The following FANCM variants were observed in gnomAD, a reference collection of about 807,000 sequenced individuals.
FANCM encodes the protein FA complementation group M.
FANCM carries 140 observed loss-of-function variants against 199.5 expected under a neutral mutation model. The ratio of observed to expected loss-of-function variants is 0.70; its 90% CI spans 0.61 to 0.81. The LOEUF is 0.81. Ranked by LOEUF, FANCM falls within the 30% of genes least tolerant of loss-of-function variation. The pLI, the probability that FANCM is intolerant of heterozygous loss-of-function variation, is 0.00. For missense variants in FANCM, 2,410 were observed against 2,421.4 expected (o/e 1.00, Z 0.10); for synonymous variants, 840 against 836.8 (o/e 1.00, Z -0.07).
At position 45,176,757 on chromosome 14, in the gene FANCM, A is replaced by AG. The variant is rs1566766719; in HGVS notation, c.4003_4004insG (p.Lys1335ArgfsTer9). ...TCAGTTTTCTTTACCAGTGCAAAAAAAAGTTATGAGTACACCACTCTCTAA... is the reference window on the plus strand; with the variant it reads ...TCAGTTTTCTTTACCAGTGCAAAAAAGAAGTTATGAGTACACCACTCTCTAA... On this transcript the variant is annotated frameshift_variant, in exon 14 of 23. Transcript: ENST00000267430. LOFTEE classifies it high-confidence loss of function. The AG allele has an allele frequency of 1.2e-6, 2 of 1,612,628 alleles. No homozygotes were observed. The highest frequency in any genetic ancestry group is 1.7e-6 in the Non-Finnish European group (2 of 1,179,390).
At chr14:45,162,179 A>G (rs2077240270) in intron 9 of FANCM, among the ~76,000 whole-genome samples, 1 of 152,094 alleles carries the variant, frequency 6.6e-6, no homozygotes, top group Non-Finnish European at 1.5e-5. Context: ...TGAGGTCAGG[A>G]GTTTGAGACC....
chr14:45,147,292 TTTTTC>T (rs1214381856), intron 3 of FANCM, among the ~76,000 whole-genome samples: 2 of 151,834 alleles, frequency 1.3e-5, no homozygotes, highest in Admixed American at 6.6e-5. Context: ...AAGCTTTCTT[TTTTTC>T]TTTTCTTTTT....
chr14:45,153,939 T>C lies in FANCM; in HGVS notation c.1070T>C (p.Ile357Thr), dbSNP rs1886998266. The change falls in exon 6 of 23, where the codon ATC becomes ACC. Residue 357 changes from isoleucine (I) to threonine (T), a missense_variant. By Grantham distance (89) the Ile-to-Thr change is moderately conservative (BLOSUM62 -1). Transcript: ENST00000267430. Reference protein sequence around the residue: ...PNIVGIQQGIIEGEFAICISL... With the variant: ...PNIVGIQQGITEGEFAICISL... ...TTCTAGGGAATACAACAAGGCATAA[T>C]CGAGGGAGAGTTTGCTATTTGTATT... 6.2e-7 allele frequency: 1 copy of C among 1,609,740 alleles called. No homozygotes were observed. Among genetic ancestry groups the C allele is most frequent in the African/African-American group, 1.3e-5 (1 of 74,804 alleles).
At chr14:45,150,767 TA>T (rs1401807883) in intron 4 of FANCM, among the ~76,000 whole-genome samples, 3 of 152,234 alleles carry the variant, frequency 2.0e-5, no homozygotes, top group South Asian at 2.1e-4. Context: ...GCATTTGTTA[TA>T]ATGAAAATGA....
intron 10 of FANCM, among the ~76,000 whole-genome samples, chr14:45,165,363 T>G (rs1887896309): frequency 6.6e-6 from 1 of 152,002 alleles, no homozygotes; most frequent in Non-Finnish European, 1.5e-5. Flanking sequence ...CTGGCCAACA[T>G]GGTGAAACCC....
At chr14:45,187,058 A>G (rs1054191947) in intron 18 of FANCM, among the ~76,000 whole-genome samples, 2 of 152,182 alleles carry the variant, frequency 1.3e-5, no homozygotes, top group African/African-American at 4.8e-5. Context: ...ATTAGAAAAA[A>G]AGGAGGAGTC....
At chr14:45,187,930 T>C (rs1292794225) in intron 19 of FANCM, 43 bp downstream of exon 19, 1 of 948,362 alleles carries the variant, frequency 1.1e-6, no homozygotes, top group East Asian at 2.5e-5. Flanking sequence ...TGGATGATGA[T>C]GTTGAAATAT....
chr14:45,163,538 CCTT>C (rs1887754051), intron 9 of FANCM, among the ~76,000 whole-genome samples: 1 of 152,314 alleles, frequency 6.6e-6, no homozygotes, highest in Admixed American at 6.5e-5. Flanking sequence ...TTCATTAACT[CCTT>C]CTCACGCTAT....
At chr14:45,197,481 T>C (rs1244211720) in intron 21 of FANCM, among the ~76,000 whole-genome samples, 1 of 151,888 alleles carries the variant, frequency 6.6e-6, no homozygotes, top group Non-Finnish European at 1.5e-5. Context: ...TTTTTTTTTT[T>C]TGAGACAGAG....
Position 45,175,758 on chromosome 14 carries a change from A to G in FANCM, c.3004A>G (p.Ser1002Gly), listed in dbSNP as rs1594798521. The G allele has an allele frequency of 1.2e-6, 2 of 1,613,756 alleles. No homozygotes were observed. The highest frequency in any genetic ancestry group is 1.7e-6 in the Non-Finnish European group (2 of 1,179,814). The stretch of plus-strand genomic sequence containing the variant: ...TTTATCTTATTCTCCTCCGCCTCTC[A>G]GTGGACTCTCAGACTTGGAATATGA... ...RFLSYSPPPLSGLSDLEYEIA... is the reference protein window; with the variant it reads ...RFLSYSPPPLGGLSDLEYEIA... The change falls in exon 14 of 23, where the codon AGT becomes GGT. Residue 1002 changes from serine (S) to glycine (G), a missense_variant. Physicochemically the swap from Ser to Gly is moderately conservative, Grantham distance 56. Transcript: ENST00000267430.
At chr14:45,136,615 C>A in intron 1 of FANCM, 76 bp downstream of exon 1, 3 of 1,391,254 alleles carry the variant, frequency 2.2e-6, no homozygotes, top group Non-Finnish European at 3.0e-6. Flanking sequence ...CAAGCTACAA[C>A]ATGTGCATCT....
Position 45,164,530 on chromosome 14 carries a change from ATAG to A in FANCM, c.1755_1757del (p.Val586del). 1 of 1,613,442 alleles carries A rather than the reference ATAG, an allele frequency of 6.2e-7. No homozygotes were observed. Among genetic ancestry groups the A allele is most frequent in the South Asian group, 1.1e-5 (1 of 91,038 alleles). On this transcript the variant is annotated inframe_deletion, in exon 10 of 23. Coordinates refer to ENST00000267430, the MANE Select transcript of FANCM (RefSeq NM_020937.4). Reference sequence around the variant, plus strand: ...AACTGGCCGTAAACGTCAAGGCAGGATAGTTATTATCCTTTCTGAAGGACGAGA... The same window carrying A: ...AACTGGCCGTAAACGTCAAGGCAGGATTATTATCCTTTCTGAAGGACGAGA...
intron 13 of FANCM, among the ~76,000 whole-genome samples, chr14:45,174,575 A>G (rs1490922441): frequency 6.6e-6 from 1 of 152,170 alleles, no homozygotes; most frequent in Non-Finnish European, 1.5e-5. Flanking sequence ...ACTTTGTTAC[A>G]AATAGAAGTA....
intron 14 of FANCM, among the ~76,000 whole-genome samples, chr14:45,180,429 G>A (rs1888991359): frequency 3.3e-5 from 5 of 151,168 alleles, no homozygotes; most frequent in Admixed American, 2.6e-4. Flanking sequence ...ATAAGTATGT[G>A]GTGTTTTTTT....
Position 45,140,618 on chromosome 14 carries a change from T to G in FANCM, c.682-14T>G, listed in dbSNP as rs975132936. The G allele has an allele frequency of 4.0e-6, 6 of 1,518,896 alleles. No individual in the cohort carries two copies. Among genetic ancestry groups the G allele is most frequent in the African/African-American group, 1.4e-5 (1 of 73,076 alleles). 94.1% of individuals were successfully genotyped at this position (1,518,896 alleles called of 1,614,324 possible). A position where few individuals can be genotyped will look rare whatever the true frequency, so the allele number is the denominator to read the frequency against. ...ATTGAACAGATGAAACTAAAGAACT[T>G]TTTTTTTCTTAAGGTTGTAAGAGAA... On this transcript the variant is annotated splice_polypyrimidine_tract_variant and intron_variant, in intron 2 of 22. Coordinates refer to ENST00000267430, the MANE Select transcript of FANCM (RefSeq NM_020937.4).
rs1594773895 is a variant in FANCM at position 45,155,458 on chromosome 14, T to G, written c.1395T>G (p.Asn465Lys). The G allele has an allele frequency of 6.9e-7, 1 of 1,439,866 alleles. No individual in the cohort carries two copies. The highest frequency in any genetic ancestry group is 9.8e-7 in the Non-Finnish European group (1 of 1,022,854). 89.2% of individuals were successfully genotyped at this position (1,439,866 alleles called of 1,614,324 possible). A position where few individuals can be genotyped will look rare whatever the true frequency, so the allele number is the denominator to read the frequency against. Residue 465 changes from asparagine to lysine, a missense_variant and splice_region_variant, in exon 8 of 23, where the codon AAT (asparagine) becomes AAG (lysine). Coordinates refer to ENST00000267430, the MANE Select transcript of FANCM (RefSeq NM_020937.4). ...EVVIEHFKSWNAENTTEKKRD... is the reference protein window; with the variant it reads ...EVVIEHFKSWKAENTTEKKRD... ...TAATTGAACACTTCAAGTCATGGAA[T>G]GGTAGGTCATATTTAGTAGCTTTAA...
At chr14:45,193,389 C>T (rs1437246446) in intron 20 of FANCM, among the ~76,000 whole-genome samples, 1 of 152,200 alleles carries the variant, frequency 6.6e-6, no homozygotes, top group Non-Finnish European at 1.5e-5. Flanking sequence ...CTAGTGCTCC[C>T]TCCCACCAGG....
At chr14:45,159,999 T>TG (rs1566743722) in intron 9 of FANCM, among the ~76,000 whole-genome samples, 1 of 145,384 alleles carries the variant, frequency 6.9e-6, no homozygotes, top group Non-Finnish European at 1.5e-5. Context: ...AGGTTTTTTT[T>TG]TTGTTTTTTT....
At chr14:45,139,473 G>T (rs1347068583) in intron 2 of FANCM, among the ~76,000 whole-genome samples, 1 of 152,112 alleles carries the variant, frequency 6.6e-6, no homozygotes, top group South Asian at 2.1e-4. Flanking sequence ...CTACTTGGAA[G>T]TGCATTTTCC....
Sources: allele counts gnomAD v4.1 joint callset (sites outside exome capture counted in the v4.1 genomes callset), GRCh38; gene constraint gnomAD v4.1.1; transcripts MANE v1.5; gene names NCBI Gene and HGNC (gene_info 2026-07-23, HGNC 2026-07-21).